PDZRN3: variants seen among roughly 807,000 people sequenced by gnomAD.
PDZRN3 encodes E3 ubiquitin-protein ligase PDZRN3.
Under a neutral mutation model 85.7 loss-of-function variants are expected in PDZRN3, and 38 were observed. That is an observed-to-expected ratio of 0.44 (90% CI 0.34 to 0.58). The LOEUF is 0.58. PDZRN3 is among the 20% of genes least tolerant of loss of function. The pLI, the probability that PDZRN3 is intolerant of heterozygous loss-of-function variation, is 0.01. For missense variants in PDZRN3, 1,629 were observed against 1,506.4 expected (o/e 1.08, Z -1.35); for synonymous variants, 759 against 638.0 (o/e 1.19, Z -2.86).
intron 3 of PDZRN3, among the ~76,000 whole-genome samples, chr3:73,493,809 G>C (rs946188638): frequency 3.3e-5 from 5 of 152,176 alleles, no homozygotes; most frequent in Admixed American, 6.5e-5. Flanking sequence ...TATGATTTTT[G>C]CTAGAATTAT....
At chr3:73,533,534 A>T (rs1315048128) in intron 3 of PDZRN3, among the ~76,000 whole-genome samples, 1 of 152,126 alleles carries the variant, frequency 6.6e-6, no homozygotes, top group East Asian at 1.9e-4. Flanking sequence ...AACTCAAAGG[A>T]CTTTAAAAAA....
At chr3:73,534,730 T>A (rs538580722) in intron 3 of PDZRN3, among the ~76,000 whole-genome samples, 1 of 152,246 alleles carries the variant, frequency 6.6e-6, no homozygotes, top group African/African-American at 2.4e-5. Flanking sequence ...CTTCTCTTCA[T>A]ATCTTGTAGA....
At chr3:73,540,174 A>G (rs555851783) in intron 3 of PDZRN3, among the ~76,000 whole-genome samples, 1 of 151,240 alleles carries the variant, frequency 6.6e-6, no homozygotes, top group South Asian at 2.1e-4. Flanking sequence ...TTTTAAAAAA[A>G]TTCTCATAAA....
intron 5 of PDZRN3, 36 bp downstream of exon 5, chr3:73,400,886 A>C: frequency 4.3e-6 from 6 of 1,411,504 alleles, no homozygotes; most frequent in Non-Finnish European, 6.0e-6. Context: ...GTTCTTAATA[A>C]TGACTCCTAA....
At chr3:73,463,954 A>T (rs924207376) in intron 3 of PDZRN3, among the ~76,000 whole-genome samples, 1 of 152,118 alleles carries the variant, frequency 6.6e-6, no homozygotes, top group Admixed American at 6.6e-5. Flanking sequence ...AAAAGTTTTA[A>T]AAAAAAGTGC....
chr3:73,598,063 A>G (rs944423073), intron 3 of PDZRN3, among the ~76,000 whole-genome samples: 1 of 152,184 alleles, frequency 6.6e-6, no homozygotes, highest in African/African-American at 2.4e-5. Context: ...CTTCTCCTAA[A>G]TAACTTTCAG....
chr3:73,571,492 G>A (rs1413147534), intron 3 of PDZRN3, among the ~76,000 whole-genome samples: 1 of 152,234 alleles, frequency 6.6e-6, no homozygotes, highest in East Asian at 1.9e-4. Context: ...TGCCTTCAGT[G>A]AGGGGCAGTC....
chr3:73,396,037 A>G (rs965030307), intron 5 of PDZRN3, among the ~76,000 whole-genome samples: 1 of 152,168 alleles, frequency 6.6e-6, no homozygotes, highest in Non-Finnish European at 1.5e-5. Context: ...AGCCTGGCCG[A>G]CAAGGCGAAA....
intron 2 of PDZRN3, among the ~76,000 whole-genome samples, chr3:73,607,067 C>T (rs1255453004): frequency 1.3e-5 from 2 of 152,136 alleles, no homozygotes; most frequent in African/African-American, 4.8e-5. Context: ...TCCCCCAGTT[C>T]CCAACTCTGT....
chr3:73,390,107 C>G (rs1471291981), intron 6 of PDZRN3, among the ~76,000 whole-genome samples: 2 of 152,200 alleles, frequency 1.3e-5, no homozygotes, highest in Non-Finnish European at 1.5e-5. Context: ...CCCTGTTACA[C>G]AGCAGTGTGT....
intron 2 of PDZRN3, among the ~76,000 whole-genome samples, chr3:73,607,408 C>A (rs1470737632): frequency 6.6e-6 from 1 of 152,156 alleles, no homozygotes; most frequent in Non-Finnish European, 1.5e-5. Context: ...CTCCCCAGGA[C>A]ACCTCCTCCC....
At chr3:73,513,226 G>C (rs1704199431) in intron 3 of PDZRN3, among the ~76,000 whole-genome samples, 1 of 152,210 alleles carries the variant, frequency 6.6e-6, no homozygotes, top group African/African-American at 2.4e-5. Flanking sequence ...ATTGCTACGA[G>C]TGAGCTGCTG....
intron 3 of PDZRN3, among the ~76,000 whole-genome samples, chr3:73,590,226 AC>A (rs1425036301): frequency 2.8e-5 from 4 of 142,268 alleles, no homozygotes; most frequent in African/African-American, 1.0e-4. Context: ...CTGAGATCGC[AC>A]CACTGCACTC....
At chr3:73,425,172 G>A (rs139757166) in intron 3 of PDZRN3, among the ~76,000 whole-genome samples, 2,905 of 151,804 alleles carry the variant, frequency 0.019, 35 homozygotes, top group Non-Finnish European at 0.03. Flanking sequence ...CTGCCACCAC[G>A]CCTGTCTAAT....
At chr3:73,594,603 G>A (rs1702406844) in intron 3 of PDZRN3, among the ~76,000 whole-genome samples, 1 of 152,088 alleles carries the variant, frequency 6.6e-6, no homozygotes, top group East Asian at 1.9e-4. Flanking sequence ...ATACCTGGGT[G>A]GAGACTTAAA....
Position 73,425,192 on chromosome 3 carries a change from T to G in PDZRN3, c.919-20797A>C, listed in dbSNP as rs187757238. ...ACCACGCCTGTCTAATTTTTTTTTT[T>G]GTATTTTTAGTAGAGATGGGGTTTC... On this transcript the variant is annotated intron_variant, in intron 3 of 9. Coordinates refer to ENST00000263666, the MANE Select transcript of PDZRN3 (RefSeq NM_015009.3). Among the ~76,000 whole-genome samples, 23 of 152,060 alleles carry G rather than the reference T, an allele frequency of 1.5e-4. No individual in the cohort carries two copies. In the East Asian group the frequency reaches 4.3e-3, roughly 28 times the overall value.
At chr3:73,462,501 G>A (rs12494765) in intron 3 of PDZRN3, among the ~76,000 whole-genome samples, 105,750 of 146,308 alleles carry the variant, frequency 0.72, 41,399 homozygotes, top group South Asian at 0.95. Flanking sequence ...GTGAGATTGC[G>A]CCACTGCACT....
At chr3:73,472,012 A>G (rs1002228966) in intron 3 of PDZRN3, among the ~76,000 whole-genome samples, 2 of 152,294 alleles carry the variant, frequency 1.3e-5, no homozygotes, top group South Asian at 2.1e-4. Context: ...TTTTCTCAAA[A>G]TGTCTTAAGC....
intron 3 of PDZRN3, among the ~76,000 whole-genome samples, chr3:73,578,314 G>A (rs9815613): frequency 0.17 from 25,803 of 151,838 alleles, 2,350 homozygotes; most frequent in African/African-American, 0.24. Context: ...GACTACAGGC[G>A]CCTGCCACCA....
Sources: gnomAD v4.1 joint callset for allele counts (sites outside exome capture counted in the v4.1 genomes callset) on GRCh38, gnomAD v4.1.1 for gene constraint, MANE v1.5 for transcripts, NCBI Gene and HGNC (gene_info 2026-07-23, HGNC 2026-07-21) for gene names.